The following LYPLAL1 variants were observed in gnomAD, a reference collection of about 807,000 sequenced individuals.
The protein encoded by LYPLAL1 is lysophospholipase like 1.
LYPLAL1 carries 23 observed loss-of-function variants against 19.7 expected under a neutral mutation model. That is an observed-to-expected ratio of 1.17 (90% CI 0.84 to 1.65). The LOEUF (loss-of-function observed/expected upper bound fraction) is 1.65, where lower values mean the gene tolerates loss of function less well. Among genes scored for constraint, LYPLAL1 ranks in the 40% most tolerant of loss-of-function variants. The probability of loss-of-function intolerance (pLI) is 0.00; values close to 1 mark genes in which losing one functional copy is unlikely to be tolerated. For synonymous variants in LYPLAL1, 119 were observed against 96.3 expected, an observed-to-expected ratio of 1.24 and a Z score of -1.38; for missense variants, 355 against 279.4, an observed-to-expected ratio of 1.27 and a Z score of -1.93.
At chr1:219,194,082 GAC>G (rs1657412296) in intron 3 of LYPLAL1, among the ~76,000 whole-genome samples, 1 of 151,890 alleles carries the variant, frequency 6.6e-6, no homozygotes, top group Non-Finnish European at 1.5e-5. Flanking sequence ...AGTCATGAGA[GAC>G]AACATGATAT....
chr1:219,406,039 C>T, the LYPLAL1 span, among the ~76,000 whole-genome samples: 1 of 152,166 alleles, frequency 6.6e-6, no homozygotes, highest in Non-Finnish European at 1.5e-5. Flanking sequence ...TGACATTAGC[C>T]AGCTCTGCAT....
chr1:219,333,973 T>A, the LYPLAL1 span, among the ~76,000 whole-genome samples: 1 of 152,066 alleles, frequency 6.6e-6, no homozygotes, highest in African/African-American at 2.4e-5. Context: ...CATAGGGCAA[T>A]GTCTCTCAAC....
chr1:219,178,349 T>C (rs1240679152), intron 1 of LYPLAL1, among the ~76,000 whole-genome samples: 1 of 152,196 alleles, frequency 6.6e-6, no homozygotes, highest in African/African-American at 2.4e-5. Flanking sequence ...GAATAGGGAC[T>C]CTATTCCTCC....
chr1:219,435,445 A>G, the LYPLAL1 span: 97 of 152,322 alleles, frequency 6.4e-4, no homozygotes, highest in African/African-American at 9.6e-5. Context: ...TAAATTATTT[A>G]CAGAAAGTTG....
At chr1:219,442,075 C>A in the LYPLAL1 span, among the ~76,000 whole-genome samples, 2 of 152,132 alleles carry the variant, frequency 1.3e-5, no homozygotes, top group Admixed American at 1.3e-4. Flanking sequence ...AATGATTAAA[C>A]AATACCATTC....
the LYPLAL1 span, among the ~76,000 whole-genome samples, chr1:219,301,281 C>T: frequency 6.6e-6 from 1 of 152,066 alleles, no homozygotes; most frequent in Non-Finnish European, 1.5e-5. Flanking sequence ...CCAAGGTATT[C>T]ACAGTAATCT....
chr1:219,198,253 CA>C (rs1657774320), intron 3 of LYPLAL1, among the ~76,000 whole-genome samples: 1 of 151,540 alleles, frequency 6.6e-6, no homozygotes, highest in Non-Finnish European at 1.5e-5. Context: ...GAAAAGCTAG[CA>C]GAAATGACCA....
At chr1:219,363,830 C>T in the LYPLAL1 span, among the ~76,000 whole-genome samples, 7 of 152,128 alleles carry the variant, frequency 4.6e-5, no homozygotes, top group East Asian at 1.2e-3. Context: ...ATACTCAGTA[C>T]TCAGTGAAGG....
At chr1:219,335,057 C>T in the LYPLAL1 span, among the ~76,000 whole-genome samples, 1 of 151,944 alleles carries the variant, frequency 6.6e-6, no homozygotes. Flanking sequence ...AAAACATTTC[C>T]TCCATATACA....
At chr1:219,205,859 A>C (rs1190729382) in intron 3 of LYPLAL1, among the ~76,000 whole-genome samples, 3 of 152,200 alleles carry the variant, frequency 2.0e-5, no homozygotes, top group African/African-American at 7.2e-5. Context: ...TAGGACTTTA[A>C]AGGCTCTGGA....
At chr1:219,274,631 G>A in the LYPLAL1 span, among the ~76,000 whole-genome samples, 2 of 152,264 alleles carry the variant, frequency 1.3e-5, no homozygotes, top group East Asian at 1.9e-4. Context: ...TGATCCACAC[G>A]CCTTGTCCTC....
the LYPLAL1 span, among the ~76,000 whole-genome samples, chr1:219,330,140 T>A: frequency 9.2e-5 from 14 of 152,132 alleles, no homozygotes; most frequent in Non-Finnish European, 1.6e-4. Flanking sequence ...CTAAAAAAAA[T>A]TAAACTTTCC....
chr1:219,406,325 G>C, the LYPLAL1 span, among the ~76,000 whole-genome samples: 5 of 152,286 alleles, frequency 3.3e-5, no homozygotes, highest in African/African-American at 9.6e-5. Flanking sequence ...TCAATTTTAT[G>C]CTTAGAAAAA....
the LYPLAL1 span, among the ~76,000 whole-genome samples, chr1:219,395,224 A>G: frequency 6.6e-6 from 1 of 152,176 alleles, no homozygotes; most frequent in African/African-American, 2.4e-5. Context: ...TGGTTGAACT[A>G]TTTTACACTC....
the LYPLAL1 span, among the ~76,000 whole-genome samples, chr1:219,434,196 T>C: frequency 1.3e-5 from 2 of 152,230 alleles, no homozygotes; most frequent in Non-Finnish European, 2.9e-5. Context: ...GTTTTCTAAA[T>C]GACCACAAAA....
chr1:219,335,749 C>G, the LYPLAL1 span, among the ~76,000 whole-genome samples: 1 of 151,770 alleles, frequency 6.6e-6, no homozygotes, highest in Non-Finnish European at 1.5e-5. Context: ...CACTTTAATG[C>G]GCCCAGAATT....
the LYPLAL1 span, among the ~76,000 whole-genome samples, chr1:219,247,108 A>G: frequency 6.6e-6 from 1 of 152,198 alleles, no homozygotes; most frequent in South Asian, 2.1e-4. Context: ...CTAATATCAC[A>G]TCTGGTGCAG....
chr1:219,367,449 T>A, the LYPLAL1 span, among the ~76,000 whole-genome samples: 2 of 152,144 alleles, frequency 1.3e-5, no homozygotes, highest in African/African-American at 2.4e-5. Context: ...TATTTTCACA[T>A]TTAAAATAAG....
chr1:219,348,708 T>C, the LYPLAL1 span, among the ~76,000 whole-genome samples: 1 of 152,034 alleles, frequency 6.6e-6, no homozygotes, highest in Non-Finnish European at 1.5e-5. Context: ...AGCCAGAGAG[T>C]GTGCATGAAG....
Sources: allele counts gnomAD v4.1 joint callset (sites outside exome capture counted in the v4.1 genomes callset), GRCh38; gene constraint gnomAD v4.1.1; transcripts MANE v1.5; gene names NCBI Gene and HGNC (gene_info 2026-07-23, HGNC 2026-07-21).